Variants in MSI2 observed in about 807,000 individuals in gnomAD.
The protein encoded by MSI2 is RNA-binding protein Musashi homolog 2.
Under a neutral mutation model 45.6 loss-of-function variants are expected in MSI2, and 17 were observed. The observed-to-expected ratio is 0.37, with a 90% CI of 0.26 to 0.56. MSI2 has a LOEUF of 0.56. Among genes scored for constraint, MSI2 ranks in the 20% least tolerant of loss-of-function variants. MSI2 has a pLI of 0.77. For missense variants in MSI2, 293 were observed against 444.2 expected (o/e 0.66, Z 3.06); for synonymous variants, 156 against 158.2 (o/e 0.99, Z 0.11).
rs375923657 is a variant in MSI2 at position 57,652,304 on chromosome 17, G to A, written c.790+143G>A. On this transcript the variant is annotated intron_variant, in intron 11 of 13. Coordinates refer to ENST00000284073, the MANE Select transcript of MSI2 (RefSeq NM_138962.4). The surrounding 1 kb of genome is among the most constrained non-coding windows in gnomAD (Gnocchi z 4.1). The stretch of plus-strand genomic sequence containing the variant: ...CGGGGAGGGGGTGGACGGGGAGGGG[G>A]TGGACCGGGAGGCGCGGGCAAGGCC... The A allele has an allele frequency of 2.3e-6, 2 of 876,466 alleles. No homozygotes were observed. Among genetic ancestry groups the A allele is most frequent in the Non-Finnish European group, 3.5e-6 (2 of 568,474 alleles). 54.3% of individuals were successfully genotyped at this position (876,466 alleles called of 1,614,324 possible).
intron 7 of MSI2, among the ~76,000 whole-genome samples, chr17:57,583,778 A>G (rs1247108609): frequency 6.6e-6 from 1 of 152,132 alleles, no homozygotes; most frequent in African/African-American, 2.4e-5. Context: ...CCAACCTCCC[A>G]AAGTTTCTTA....
At chr17:57,593,993 G>T (rs752910970) in intron 7 of MSI2, among the ~76,000 whole-genome samples, 1 of 152,252 alleles carries the variant, frequency 6.6e-6, no homozygotes, top group East Asian at 1.9e-4. Flanking sequence ...GCTGGTAAAC[G>T]CAGAAGGAAG....
At chr17:57,516,754 A>G (rs563193930) in intron 6 of MSI2, among the ~76,000 whole-genome samples, 1 of 152,342 alleles carries the variant, frequency 6.6e-6, no homozygotes, top group South Asian at 2.1e-4. Flanking sequence ...TTTTACACAC[A>G]AGGAAGCTGA....
intron 6 of MSI2, among the ~76,000 whole-genome samples, chr17:57,403,917 G>A (rs562131941): frequency 7.6e-6 from 1 of 131,608 alleles, no homozygotes; most frequent in African/African-American, 2.9e-5. Context: ...CTGGTTGAAG[G>A]AAACAGAATG....
At chr17:57,510,788 CA>C (rs758716885) in intron 6 of MSI2, among the ~76,000 whole-genome samples, 3 of 152,236 alleles carry the variant, frequency 2.0e-5, no homozygotes, top group Non-Finnish European at 4.4e-5. Flanking sequence ...CAAGGCAGAA[CA>C]CTCATCTGGA....
At chr17:57,564,296 C>T (rs1025705767) in intron 7 of MSI2, among the ~76,000 whole-genome samples, 1 of 152,358 alleles carries the variant, frequency 6.6e-6, no homozygotes, top group African/African-American at 2.4e-5. Flanking sequence ...CATCACGTGA[C>T]TCCTAGGAGC....
At chr17:57,487,542 C>T (rs528923051) in intron 6 of MSI2, among the ~76,000 whole-genome samples, 21 of 152,232 alleles carry the variant, frequency 1.4e-4, no homozygotes, top group African/African-American at 5.1e-4. Flanking sequence ...TTCCATGCTG[C>T]CAGAGGGATG....
chr17:57,586,665 G>A (rs1476165943), intron 7 of MSI2, among the ~76,000 whole-genome samples: 4 of 152,204 alleles, frequency 2.6e-5, no homozygotes, highest in Non-Finnish European at 5.9e-5. Context: ...CTGAACCTGG[G>A]AGAAAACAGC....
At chr17:57,639,056 C>G (rs971846131) in intron 10 of MSI2, among the ~76,000 whole-genome samples, 1 of 152,076 alleles carries the variant, frequency 6.6e-6, no homozygotes. Flanking sequence ...AAGAGGTGGC[C>G]AGCTCTCTGG....
At chr17:57,650,512 T>G (rs562691175) in intron 10 of MSI2, among the ~76,000 whole-genome samples, 20 of 152,286 alleles carry the variant, frequency 1.3e-4, no homozygotes, top group African/African-American at 4.8e-4. Flanking sequence ...TTGGTCTCCC[T>G]CTCGGTTCAT....
At position 57,304,517 on chromosome 17, in the gene MSI2, G is replaced by A. The variant is rs534524501; in HGVS notation, c.312+42325G>A. Among the ~76,000 whole-genome samples, 434 of 145,902 alleles carry A rather than the reference G, an allele frequency of 3.0e-3. 1 individual carries two copies. The highest frequency in any genetic ancestry group is 5.3e-3 in the Non-Finnish European group (354 of 66,798). On this transcript the variant is annotated intron_variant, in intron 5 of 13. Coordinates refer to ENST00000284073, the MANE Select transcript of MSI2 (RefSeq NM_138962.4). ...GGCTCACTGCAGCCTCCACCTCCCC[G>A]GTTCAAGCGATTCTCCTGCCTCTGC...
At chr17:57,559,541 C>T (rs1330519824) in intron 7 of MSI2, among the ~76,000 whole-genome samples, 1 of 152,224 alleles carries the variant, frequency 6.6e-6, no homozygotes, top group Non-Finnish European at 1.5e-5. Flanking sequence ...GTCTCAGCCC[C>T]ATCCATAGCC....
intron 13 of MSI2, among the ~76,000 whole-genome samples, chr17:57,678,163 C>A (rs1332760079): frequency 6.6e-6 from 1 of 152,172 alleles, no homozygotes; most frequent in Admixed American, 6.5e-5. Flanking sequence ...GCTCCTGAGT[C>A]GGACCAGGTG....
At chr17:57,472,067 G>T (rs2085448246) in intron 6 of MSI2, among the ~76,000 whole-genome samples, 1 of 152,174 alleles carries the variant, frequency 6.6e-6, no homozygotes. Context: ...GCTGACACAG[G>T]GGGCGAGGGT....
At position 57,627,359 on chromosome 17, in the gene MSI2, G is replaced by T. The variant is rs753109316; in HGVS notation, c.727+56G>T. 141 of 1,502,492 alleles carry T rather than the reference G, an allele frequency of 9.4e-5. 1 individual carries two copies. The highest frequency in any genetic ancestry group is 1.1e-4 in the Non-Finnish European group (114 of 1,078,380). 93.1% of individuals were successfully genotyped at this position (1,502,492 alleles called of 1,614,324 possible). ...AGCACAAGAGGTGGGCTGCATTTGC[G>T]GGGAGGTGAGAGGACCCCTAAAGAG... On this transcript the variant is annotated intron_variant, in intron 10 of 13. Transcript: ENST00000284073. The surrounding 1 kb of genome is among the most constrained non-coding windows in gnomAD (Gnocchi z 4.6).
intron 10 of MSI2, among the ~76,000 whole-genome samples, chr17:57,649,520 A>G (rs1293788997): frequency 1.3e-5 from 2 of 151,870 alleles, no homozygotes; most frequent in African/African-American, 4.8e-5. Context: ...ACACACATAC[A>G]CCTGACACAC....
At chr17:57,479,973 A>G (rs1050515349) in intron 6 of MSI2, among the ~76,000 whole-genome samples, 3 of 152,184 alleles carry the variant, frequency 2.0e-5, no homozygotes, top group African/African-American at 7.2e-5. Flanking sequence ...TTACCAACTC[A>G]TGAAGGTCCA....
chr17:57,486,642 T>C (rs1018087547), intron 6 of MSI2, among the ~76,000 whole-genome samples: 6 of 152,228 alleles, frequency 3.9e-5, no homozygotes, highest in Non-Finnish European at 7.3e-5. Context: ...GTTTTTCTTC[T>C]GGGTAGACTG....
chr17:57,571,285 G>A (rs2087870930), intron 7 of MSI2, among the ~76,000 whole-genome samples: 1 of 152,188 alleles, frequency 6.6e-6, no homozygotes, highest in Non-Finnish European at 1.5e-5. Flanking sequence ...CTGGGAAGGG[G>A]AGAATCAATC....
Sources: gnomAD v4.1 joint callset for allele counts (sites outside exome capture counted in the v4.1 genomes callset) on GRCh38, gnomAD v4.1.1 for gene constraint, Gnocchi (gnomAD v3.1) non-coding constraint, MANE v1.5 for transcripts, NCBI Gene and HGNC (gene_info 2026-07-23, HGNC 2026-07-21) for gene names.